The following NCKAP5L variants were observed in gnomAD, a reference collection of about 807,000 sequenced individuals.
NCKAP5L encodes NCK associated protein 5 like.
Under a neutral mutation model 103.2 loss-of-function variants are expected in NCKAP5L, and 54 were observed. The ratio of observed to expected loss-of-function variants is 0.52; its 90% CI spans 0.42 to 0.66. The LOEUF is 0.66. Among genes scored for constraint, NCKAP5L ranks in the 30% least tolerant of loss-of-function variants. NCKAP5L has a pLI of 0.00. For synonymous variants in NCKAP5L, 762 were observed against 748.6 expected (o/e 1.02, Z -0.29); for missense variants, 1,733 against 1,750.6 (o/e 0.99, Z 0.18).
At chr12:49,825,703 T>C (rs955459991) in intron 1 of NCKAP5L, among the ~76,000 whole-genome samples, 1 of 152,020 alleles carries the variant, frequency 6.6e-6, no homozygotes, top group Non-Finnish European at 1.5e-5. Context: ...CCTAAACACC[T>C]CCTGCTGCAG....
At chr12:49,818,273 A>G (rs1048473068) in intron 1 of NCKAP5L, among the ~76,000 whole-genome samples, 2 of 152,248 alleles carry the variant, frequency 1.3e-5, no homozygotes, top group African/African-American at 2.4e-5. Context: ...CACAGGCAAC[A>G]AAGGGGATTA....
At position 49,796,441 on chromosome 12, in the gene NCKAP5L, G is replaced by C; in HGVS notation, c.1419C>G (p.Gly473=). 2 of 1,540,862 alleles carry C rather than the reference G, an allele frequency of 1.3e-6. No homozygotes were observed. The highest frequency in any genetic ancestry group is 4.5e-5 in the East Asian group (2 of 44,148). ...GGGGGAGCTGGGGACTGAGCTGCGG[G>C]CCTCCTGGGCTGGGGCTCTTCTCCG... The part of the protein sequence containing the change: ...PTSEKSPSPG[G]PQLSPQLPRN... The change falls in exon 8 of 13, where the codon GGC becomes GGG. Residue 473 remains glycine (G), a synonymous_variant. Transcript: ENST00000335999.
At chr12:49,813,562 C>G (rs1205241648) in intron 1 of NCKAP5L, among the ~76,000 whole-genome samples, 1 of 152,164 alleles carries the variant, frequency 6.6e-6, no homozygotes, top group Non-Finnish European at 1.5e-5. Flanking sequence ...GAGTCTCACT[C>G]TGTCGCTCAG....
rs369101690 is a variant in NCKAP5L at position 49,792,815 on chromosome 12, C to T, written c.3512G>A (p.Arg1171His). 139 of 1,198,532 alleles carry T rather than the reference C, an allele frequency of 1.2e-4. No individual in the cohort carries two copies. Among genetic ancestry groups the T allele is most frequent in the African/African-American group, 6.4e-4 (40 of 62,842 alleles). The allele number at this position is 1,198,532 out of a possible 1,614,324, so 74.2% of individuals were successfully genotyped here. A position where few individuals can be genotyped will look rare whatever the true frequency, so the allele number is the denominator to read the frequency against. ...CTCCCGCTCCAGTGTGTGGGCGCGG[C>T]GGGGGACTTTGGTAAGGGGTGGGGG... Reference protein sequence around the residue: ...ARPPPLTKVPRRAHTLEREVP... With the variant: ...ARPPPLTKVPHRAHTLEREVP... Residue 1171 changes from arginine to histidine, a missense_variant, in exon 11 of 13, where the codon CGC (arginine) becomes CAC (histidine). Arg to His is a conservative substitution (Grantham distance 29, BLOSUM62 0). Transcript: ENST00000335999. The surrounding 1 kb of genome is among the most constrained non-coding windows in gnomAD (Gnocchi z 4.5).
chr12:49,793,893 C>A lies in NCKAP5L; in HGVS notation c.3099G>T (p.Val1033=). 1 of 1,545,564 alleles carries A rather than the reference C, an allele frequency of 6.5e-7. No homozygotes were observed. Among genetic ancestry groups the A allele is most frequent in the Non-Finnish European group, 8.7e-7 (1 of 1,146,368 alleles). The part of the protein sequence containing the change: ...DTFMQQLLNR[V]DGKELPSKSW... Reference sequence around the variant, plus strand: ...TCTTGGATGGCAGCTCCTTGCCATCCACCCTATGGGCAACAGTGCAGATAT... The same window carrying A: ...TCTTGGATGGCAGCTCCTTGCCATCAACCCTATGGGCAACAGTGCAGATAT... Residue 1033 remains valine (V), a synonymous_variant, in exon 9 of 13, where the codon GTG becomes GTT. Coordinates refer to ENST00000335999, the MANE Select transcript of NCKAP5L (RefSeq NM_001037806.4).
At chr12:49,809,772 C>T (rs1946220065) in intron 1 of NCKAP5L, among the ~76,000 whole-genome samples, 1 of 152,090 alleles carries the variant, frequency 6.6e-6, no homozygotes, top group Non-Finnish European at 1.5e-5. Flanking sequence ...CTGAAAGGGG[C>T]CACTTAATCC....
rs1464677556 is a variant in NCKAP5L, at chr12:49,796,005, G to C, written c.1855C>G (p.Gln619Glu). The C allele has an allele frequency of 6.5e-7, 1 of 1,541,590 alleles. No homozygotes were observed. Among genetic ancestry groups the C allele is most frequent in the East Asian group, 2.2e-5 (1 of 44,454 alleles). ...LPESYPYGSPQEKSLDKAGSE... is the reference protein window; with the variant it reads ...LPESYPYGSPEEKSLDKAGSE... ...CCTGCCTTGTCCAAACTCTTCTCTT[G>C]GGGGCTCCCATAGGGGTACGATTCT... The change falls in exon 8 of 13, where the codon CAA (glutamine) becomes GAA (glutamate). Residue 619 changes from glutamine to glutamate, a missense_variant. Gln to Glu is a conservative substitution (Grantham distance 29, BLOSUM62 2). Transcript: ENST00000335999.
chr12:49,819,009 C>T (rs1261311331), intron 1 of NCKAP5L, among the ~76,000 whole-genome samples: 1 of 130,068 alleles, frequency 7.7e-6, no homozygotes, highest in Admixed American at 8.4e-5. Flanking sequence ...CCAGCCTAGA[C>T]AACACAACAA....
chr12:49,793,432 G>A lies in NCKAP5L; in HGVS notation c.3260C>T (p.Pro1087Leu), dbSNP rs80286572. The A allele has an allele frequency of 4.7e-4, 763 of 1,609,448 alleles. 6 individuals carry two copies. The African/African-American group carries it at 8.6e-3, about 18-fold the overall frequency. ...LQGCGKPPGK[P>L]SSEPGRREEM... is the part of the protein sequence containing the mutation. Reference sequence around the variant, plus strand: ...TTCCCGCCTCCCTGGCTCGCTGCTCGGCTGTGTGGGATACAGGAGACCTCA... The same window carrying A: ...TTCCCGCCTCCCTGGCTCGCTGCTCAGCTGTGTGGGATACAGGAGACCTCA... The change falls in exon 10 of 13, where the codon CCG becomes CTG. Residue 1087 changes from proline to leucine, a missense_variant and splice_region_variant. Transcript: ENST00000335999.
chr12:49,824,165 G>A (rs1350553408), intron 1 of NCKAP5L, among the ~76,000 whole-genome samples: 1 of 152,226 alleles, frequency 6.6e-6, no homozygotes, highest in Non-Finnish European at 1.5e-5. Flanking sequence ...TTAGCTGGGA[G>A]TCAAGGCCTC....
In NCKAP5L at chr12:49,826,902, G is replaced by A. The variant is rs117618402; in HGVS notation, c.-99+1420C>T. Among the ~76,000 whole-genome samples the A allele has an allele frequency of 1.4e-4, 22 of 152,260 alleles. No individual in the cohort carries two copies. The East Asian group carries it at 4.0e-3, about 28-fold the overall frequency. ...GCCAGAGCTGGAGAAAGATGCTGGA[G>A]GGACAAAGCCACCTCATGCACAGAC... On this transcript the variant is annotated intron_variant, in intron 1 of 12. Transcript: ENST00000335999.
intron 6 of NCKAP5L, among the ~76,000 whole-genome samples, chr12:49,800,775 A>C (rs1034203551): frequency 1.3e-5 from 2 of 152,208 alleles, no homozygotes; most frequent in Non-Finnish European, 2.9e-5. Context: ...GGGAAGATAA[A>C]TCTATTGGCC....
intron 1 of NCKAP5L, among the ~76,000 whole-genome samples, chr12:49,823,736 C>T (rs1946386055): frequency 6.6e-6 from 1 of 152,074 alleles, no homozygotes; most frequent in Admixed American, 6.6e-5. Context: ...CTGGGCTCTT[C>T]TCAGCAGCTG....
At chr12:49,825,073 A>C (rs933785848) in intron 1 of NCKAP5L, among the ~76,000 whole-genome samples, 1 of 151,938 alleles carries the variant, frequency 6.6e-6, no homozygotes, top group Non-Finnish European at 1.5e-5. Flanking sequence ...TGCCTCTGAC[A>C]CTCACCACCG....
intron 6 of NCKAP5L, among the ~76,000 whole-genome samples, chr12:49,800,665 C>T (rs1182891549): frequency 1.3e-5 from 2 of 152,172 alleles, no homozygotes; most frequent in African/African-American, 2.4e-5. Flanking sequence ...TAGTAATTTG[C>T]CCCAGGTCAC....
At position 49,792,313 on chromosome 12, in the gene NCKAP5L, G is replaced by A; in HGVS notation, c.3792+133C>T. ...GAGGGCCGCTCACAGGGCATCCCAG[G>A]GGTCCTCCTCCCAGAGGGTGCAGCA... is the stretch of plus-strand genomic sequence containing the variant. On this transcript the variant is annotated intron_variant, in intron 12 of 12. Coordinates refer to ENST00000335999, the MANE Select transcript of NCKAP5L (RefSeq NM_001037806.4). This position sits in a 1 kb window ranked among gnomAD's most constrained non-coding sequence, Gnocchi z 4.5. The A allele has an allele frequency of 6.5e-7, 1 of 1,527,474 alleles. No homozygotes were observed. Among genetic ancestry groups the A allele is most frequent in the African/African-American group, 1.4e-5 (1 of 72,850 alleles). 94.6% of individuals were successfully genotyped at this position (1,527,474 alleles called of 1,614,324 possible). A position where few individuals can be genotyped will look rare whatever the true frequency, so the allele number is the denominator to read the frequency against.
chr12:49,802,198 A>T, intron 5 of NCKAP5L: 4 of 468,078 alleles, frequency 8.5e-6, no homozygotes, highest in Non-Finnish European at 1.1e-5. Flanking sequence ...GTGGGAGGTA[A>T]ATCCTATTCT....
intron 6 of NCKAP5L, among the ~76,000 whole-genome samples, chr12:49,800,179 G>C (rs901485594): frequency 1.3e-5 from 2 of 152,204 alleles, no homozygotes; most frequent in Non-Finnish European, 2.9e-5. Flanking sequence ...TGGGCAACAA[G>C]AGTGAAACTC....
At chr12:49,810,180 G>T (rs904842419) in intron 1 of NCKAP5L, among the ~76,000 whole-genome samples, 4 of 147,628 alleles carry the variant, frequency 2.7e-5, no homozygotes, top group African/African-American at 5.0e-5. Flanking sequence ...TGCCGGGGGT[G>T]GGGGGAGGGA....
Sources: allele counts gnomAD v4.1 joint callset (sites outside exome capture counted in the v4.1 genomes callset), GRCh38; gene constraint gnomAD v4.1.1; non-coding constraint Gnocchi (gnomAD v3.1); transcripts MANE v1.5; gene names NCBI Gene and HGNC (gene_info 2026-07-23, HGNC 2026-07-21).